Variants in PROM1 observed in about 807,000 individuals in gnomAD.
PROM1 encodes the protein prominin 1, also known as prominin-1.
In PROM1, 105 loss-of-function variants were observed where a neutral mutation model predicts 116.9. The observed-to-expected ratio is 0.90, with a 90% CI of 0.77 to 1.06. The LOEUF (loss-of-function observed/expected upper bound fraction) is 1.06, where lower values mean the gene tolerates loss of function less well. PROM1 is among the 50% of genes least tolerant of loss of function. PROM1 has a pLI of 0.00. For synonymous variants in PROM1, 393 were observed against 387.0 expected (o/e 1.02, Z -0.18); for missense variants, 1,122 against 1,045.2 (o/e 1.07, Z -1.01).
At chr4:16,082,239 C>T (rs376371544) in intron 1 of PROM1, 1 of 152,046 alleles carries the variant, frequency 6.6e-6, no homozygotes, top group Non-Finnish European at 1.5e-5. Context: ...AGTAACATCA[C>T]ACAAGTTGAA....
At chr4:16,065,201 C>A (rs1201121913) in intron 2 of PROM1, among the ~76,000 whole-genome samples, 1 of 152,214 alleles carries the variant, frequency 6.6e-6, no homozygotes, top group Non-Finnish European at 1.5e-5. Context: ...CCAGAGCCTG[C>A]ATGCCATATG....
chr4:15,981,406 T>C (rs1299736363), intron 23 of PROM1, among the ~76,000 whole-genome samples: 1 of 151,552 alleles, frequency 6.6e-6, no homozygotes, highest in Non-Finnish European at 1.5e-5. Context: ...CCGTCTCTAC[T>C]AAAAATAGAC....
rs1189832975 is a variant in PROM1 at position 15,978,112 on chromosome 4, A to G, written c.2582+1283T>C. On this transcript the variant is annotated intron_variant, in intron 26 of 27. Transcript: ENST00000447510. ...AGGATTTGGCAAGACAACGCCACCT[A>G]TGAGAAAGTGGTCCTTCACCGGACA... Among the ~76,000 whole-genome samples, 3 of 152,152 alleles carry G rather than the reference A, an allele frequency of 2.0e-5. No homozygotes were observed. In the East Asian group the frequency reaches 5.8e-4, roughly 29 times the overall value.
intron 3 of PROM1, 126 bp downstream of exon 3, chr4:16,038,820 T>A: frequency 1.0e-6 from 1 of 964,478 alleles, no homozygotes. Context: ...ATGAAAGTTC[T>A]TAGTCAAAAA....
intron 15 of PROM1, among the ~76,000 whole-genome samples, chr4:15,996,159 A>C (rs900150777): frequency 6.6e-6 from 1 of 152,236 alleles, no homozygotes; most frequent in South Asian, 2.1e-4. Flanking sequence ...GCTAGCTCTT[A>C]GCATTTTGTT....
At chr4:16,021,669 G>T (rs1729923340) in intron 8 of PROM1, among the ~76,000 whole-genome samples, 2 of 152,224 alleles carry the variant, frequency 1.3e-5, no homozygotes, top group South Asian at 2.1e-4. Flanking sequence ...TGGAATCCCA[G>T]ATTTCCAATT....
chr4:16,036,263 G>A (rs1019789063), intron 3 of PROM1, among the ~76,000 whole-genome samples: 7 of 152,094 alleles, frequency 4.6e-5, no homozygotes, highest in East Asian at 3.9e-4. Context: ...ATGTCCTTTC[G>A]TGGCAAAATA....
chr4:16,022,429 C>T (rs867302829), intron 8 of PROM1, among the ~76,000 whole-genome samples: 1 of 152,172 alleles, frequency 6.6e-6, no homozygotes, highest in African/African-American at 2.4e-5. Context: ...GAAGGAAAGG[C>T]CTTTCAATTA....
At chr4:15,970,218 T>A (rs1388265079) in intron 27 of PROM1, among the ~76,000 whole-genome samples, 5 of 150,256 alleles carry the variant, frequency 3.3e-5, no homozygotes, top group Non-Finnish European at 7.4e-5. Flanking sequence ...CACGCTGGAG[T>A]GCAGTGGTGT....
intron 1 of PROM1, 126 bp downstream of exon 1, chr4:16,083,852 C>A (rs1403979254): frequency 2.6e-5 from 4 of 152,192 alleles, no homozygotes; most frequent in Non-Finnish European, 5.9e-5. Context: ...GCCGGACCCT[C>A]GGACGTGGCG....
rs1479926378 is a variant in PROM1 at position 16,025,300 on chromosome 4, G to C, written c.522C>G (p.Phe174Leu). The change falls in exon 6 of 28, where the codon TTC becomes TTG. Residue 174 changes from phenylalanine (F) to leucine (L), a missense_variant. Phe to Leu is a conservative substitution (Grantham distance 22). Coordinates refer to ENST00000447510, the MANE Select transcript of PROM1 (RefSeq NM_006017.3). ...VICIIISIGI[F>L]YGFVANHQVR... ...CCTGGTGATTTGCCACAAAACCATA[G>C]AAGATGCCAATGCTGCAGGAAAAGG... The C allele has an allele frequency of 1.4e-5, 23 of 1,613,776 alleles. No homozygotes were observed. The highest frequency in any genetic ancestry group is 1.9e-5 in the Non-Finnish European group (22 of 1,179,818).
intron 23 of PROM1, among the ~76,000 whole-genome samples, chr4:15,982,416 A>G (rs1718205243): frequency 1.3e-5 from 2 of 152,172 alleles, no homozygotes; most frequent in African/African-American, 4.8e-5. Context: ...GAGAAGCTTT[A>G]TAACTTTATA....
chr4:16,056,494 A>C (rs1218271213), intron 2 of PROM1, among the ~76,000 whole-genome samples: 1 of 152,120 alleles, frequency 6.6e-6, no homozygotes, highest in Non-Finnish European at 1.5e-5. Flanking sequence ...CCTCTTCAAG[A>C]TGTTTAGAGT....
At chr4:16,041,138 T>A (rs1156357759) in intron 2 of PROM1, among the ~76,000 whole-genome samples, 1 of 152,228 alleles carries the variant, frequency 6.6e-6, no homozygotes, top group African/African-American at 2.4e-5. Context: ...TTTGTTGTGT[T>A]GACATTTGCA....
intron 2 of PROM1, among the ~76,000 whole-genome samples, chr4:16,039,499 A>T (rs1560546970): frequency 1.3e-5 from 2 of 152,328 alleles, no homozygotes; most frequent in South Asian, 4.1e-4. Flanking sequence ...GCACTTTGGG[A>T]CACAGAGGCA....
intron 2 of PROM1, among the ~76,000 whole-genome samples, chr4:16,071,883 AC>A (rs1234029447): frequency 6.6e-6 from 1 of 152,140 alleles, no homozygotes; most frequent in Non-Finnish European, 1.5e-5. Flanking sequence ...TACCTGGAAC[AC>A]CCTGTCCCTA....
intron 2 of PROM1, among the ~76,000 whole-genome samples, chr4:16,053,523 T>C (rs1738327855): frequency 6.6e-6 from 1 of 152,210 alleles, no homozygotes. Flanking sequence ...AACTTAATGA[T>C]GATACTTAAG....
intron 19 of PROM1, among the ~76,000 whole-genome samples, chr4:15,987,939 C>T (rs979846503): frequency 1.8e-4 from 27 of 147,744 alleles, no homozygotes; most frequent in Non-Finnish European, 3.0e-4. Context: ...TGCAGTGGCA[C>T]GATCTCAGCT....
At chr4:15,992,047 T>A (rs1721181527) in intron 17 of PROM1, among the ~76,000 whole-genome samples, 2 of 150,990 alleles carry the variant, frequency 1.3e-5, no homozygotes, top group Admixed American at 1.3e-4. Context: ...TTTAGGGTGA[T>A]GAAAATGTCT....
Sources: allele counts gnomAD v4.1 joint callset (sites outside exome capture counted in the v4.1 genomes callset), GRCh38; gene constraint gnomAD v4.1.1; transcripts MANE v1.5; gene names NCBI Gene and HGNC (gene_info 2026-07-23, HGNC 2026-07-21).